The following LARS1 variants were observed in gnomAD, a reference collection of about 807,000 sequenced individuals.
LARS1 encodes leucyl-tRNA synthetase 1, also known as leucine--tRNA ligase, cytoplasmic.
A neutral mutation model predicts 162.8 loss-of-function variants in LARS1; 100 were observed. That is an observed-to-expected ratio of 0.61 (90% CI 0.52 to 0.73). The LOEUF (loss-of-function observed/expected upper bound fraction) is 0.73. Ranked by LOEUF, LARS1 falls within the 30% of genes least tolerant of loss-of-function variation. The pLI, the probability that LARS1 is intolerant of heterozygous loss-of-function variation, is 0.00. For synonymous variants in LARS1, 457 were observed against 462.8 expected (o/e 0.99, Z 0.16); for missense variants, 1,258 against 1,408.9 (o/e 0.89, Z 1.71).
At position 146,157,435 on chromosome 5, in the gene LARS1, C is replaced by G; in HGVS notation, c.1033G>C (p.Val345Leu). Residue 345 changes from valine (V) to leucine (L), a missense_variant, in exon 10 of 32, where the codon GTG becomes CTG. Val to Leu is a conservative substitution (Grantham distance 32). Coordinates refer to ENST00000394434, the MANE Select transcript of LARS1 (RefSeq NM_020117.11). ...SYQGFTKDNG[V>L]VPVVKELMGE... ...ATTAATTCCTTAACAACAGGCACCACGCCATTGTCTTTGGTAAAGCCCTGG... is the reference window on the plus strand; with the variant it reads ...ATTAATTCCTTAACAACAGGCACCAGGCCATTGTCTTTGGTAAAGCCCTGG... 1 of 1,614,154 alleles carries G rather than the reference C, an allele frequency of 6.2e-7. No homozygotes were observed. The highest frequency in any genetic ancestry group is 8.5e-7 in the Non-Finnish European group (1 of 1,180,016).
chr5:146,126,384 C>G lies in LARS1; in HGVS notation c.2991+51G>C, dbSNP rs778026925. On this transcript the variant is annotated intron_variant, in intron 28 of 31. Transcript: ENST00000394434. ...GGCTTTTCCCCATCCTTCTATTGTC[C>G]CATCTAACCATTGCTCATGTGGTCA... 3.3e-5 allele frequency: 36 copies of G among 1,082,034 alleles called. 1 individual carries two copies. The highest frequency in any genetic ancestry group is 5.6e-6 in the Non-Finnish European group (4 of 711,236). 67.0% of individuals were successfully genotyped at this position (1,082,034 alleles called of 1,614,324 possible). A position where few individuals can be genotyped will look rare whatever the true frequency, so the allele number is the denominator to read the frequency against.
At position 146,114,129 on chromosome 5, in the gene LARS1, T is replaced by C. The variant is rs1291552474; in HGVS notation, c.3508A>G (p.Thr1170Ala). The C allele has an allele frequency of 1.9e-6, 3 of 1,613,434 alleles. No individual in the cohort carries two copies. The African/African-American group carries it at 4.0e-5, about 22-fold the overall frequency. ...ENGIRVDIGD[T>A]IIYLVH ...GTTTAATGAACCAGATAGATTATTG[T>C]ATCGCCAATATCCACCCTTATCCCA... Residue 1170 changes from threonine (T) to alanine (A), a missense_variant, in exon 32 of 32, where the codon ACA becomes GCA. Coordinates refer to ENST00000394434, the MANE Select transcript of LARS1 (RefSeq NM_020117.11).
chr5:146,176,366 C>T (rs1754572341), intron 2 of LARS1, among the ~76,000 whole-genome samples: 3 of 147,570 alleles, frequency 2.0e-5, no homozygotes, highest in South Asian at 4.3e-4. Flanking sequence ...GCAGGAGAAT[C>T]GCTTTAACCA....
intron 21 of LARS1, chr5:146,138,409 G>T: frequency 6.5e-6 from 1 of 153,396 alleles, no homozygotes; most frequent in South Asian, 2.1e-4. Context: ...AAATAAAAGT[G>T]GATTTGTTAA....
chr5:146,127,389 T>G (rs1752090377), intron 27 of LARS1, among the ~76,000 whole-genome samples: 1 of 152,048 alleles, frequency 6.6e-6, no homozygotes, highest in African/African-American at 2.4e-5. Flanking sequence ...ATAAGAACAC[T>G]CTTCGTGATT....
chr5:146,137,811 G>T, intron 21 of LARS1: 1 of 289,866 alleles, frequency 3.4e-6, no homozygotes, highest in South Asian at 3.0e-5. Context: ...AATGTCTCCA[G>T]AACACACAGC....
intron 31 of LARS1, among the ~76,000 whole-genome samples, chr5:146,118,639 A>G (rs1751678308): frequency 6.6e-6 from 1 of 152,224 alleles, no homozygotes; most frequent in South Asian, 2.1e-4. Flanking sequence ...AAATATGTAC[A>G]TTTATCTGTC....
At chr5:146,141,110 T>A (rs1010885648) in intron 20 of LARS1, among the ~76,000 whole-genome samples, 1 of 152,194 alleles carries the variant, frequency 6.6e-6, no homozygotes, top group South Asian at 2.1e-4. Context: ...CTTTAAATTT[T>A]CAAACTATGT....
At chr5:146,173,146 G>A (rs762697886) in intron 2 of LARS1, among the ~76,000 whole-genome samples, 4 of 151,992 alleles carry the variant, frequency 2.6e-5, no homozygotes, top group African/African-American at 4.8e-5. Context: ...CCAGGAGTTC[G>A]AGACCAGCCT....
chr5:146,158,087 G>A (rs917817399), intron 8 of LARS1, among the ~76,000 whole-genome samples: 1 of 152,140 alleles, frequency 6.6e-6, no homozygotes, highest in African/African-American at 2.4e-5. Flanking sequence ...GTCATCAAAG[G>A]AAGACACTAG....
intron 1 of LARS1, among the ~76,000 whole-genome samples, chr5:146,181,711 C>T (rs1048472116): frequency 6.6e-6 from 1 of 152,086 alleles, no homozygotes; most frequent in East Asian, 1.9e-4. Context: ...CTCCCTAGCA[C>T]CCCTTCCTGC....
At chr5:146,141,320 T>C (rs984394697) in intron 20 of LARS1, among the ~76,000 whole-genome samples, 4 of 151,922 alleles carry the variant, frequency 2.6e-5, no homozygotes, top group Admixed American at 6.6e-5. Context: ...CGAAAAGCTA[T>C]AGTAAAAAGA....
In LARS1 at chr5:146,128,704, T is replaced by C. The variant is rs1752145156; in HGVS notation, c.2848A>G (p.Thr950Ala). The change falls in exon 27 of 32, where the codon ACC becomes GCC. Residue 950 changes from threonine to alanine, a missense_variant. Thr to Ala is a moderately conservative substitution (Grantham distance 58). Transcript: ENST00000394434. Reference sequence around the variant, plus strand: ...TGTTTACGTAGAACAGACAGGGTGGTATGTTGCCAAGGTGGATAGTTCTTT... The same window carrying C: ...TGTTTACGTAGAACAGACAGGGTGGCATGTTGCCAAGGTGGATAGTTCTTT... Reference protein sequence around the residue: ...VAKNYPPWQHTTLSVLRKHFE... With the variant: ...VAKNYPPWQHATLSVLRKHFE... The C allele has an allele frequency of 6.3e-7, 1 of 1,590,010 alleles. No homozygotes were observed. Among genetic ancestry groups the C allele is most frequent in the Non-Finnish European group, 8.5e-7 (1 of 1,173,536 alleles).
intron 1 of LARS1, chr5:146,181,250 A>C (rs747371882): frequency 2.6e-5 from 4 of 152,046 alleles, no homozygotes; most frequent in Non-Finnish European, 5.9e-5. Context: ...CTACTCGGGA[A>C]GTTGAGGCAG....
intron 5 of LARS1, among the ~76,000 whole-genome samples, chr5:146,167,695 A>AT (rs1393807428): frequency 4.4e-5 from 6 of 134,864 alleles, no homozygotes; most frequent in Non-Finnish European, 9.5e-5. Context: ...CGCCCGGCTA[A>AT]TTTTTTTGTA....
chr5:146,181,594 G>A (rs1754844884), intron 1 of LARS1, among the ~76,000 whole-genome samples: 1 of 152,022 alleles, frequency 6.6e-6, no homozygotes, highest in Non-Finnish European at 1.5e-5. Flanking sequence ...CCAGGCTGCA[G>A]TGAGCCATGA....
At chr5:146,163,628 G>A (rs1043564945) in intron 6 of LARS1, among the ~76,000 whole-genome samples, 2 of 151,878 alleles carry the variant, frequency 1.3e-5, no homozygotes, top group African/African-American at 2.4e-5. Flanking sequence ...GGAGGTTGCC[G>A]TGAGCCGAGA....
chr5:146,149,895 C>T (rs929066880), intron 14 of LARS1, among the ~76,000 whole-genome samples, 196 bp from the exon 15 acceptor site: 1 of 152,148 alleles, frequency 6.6e-6, no homozygotes. Context: ...ACTTATCGTT[C>T]TGTCAGTGAT....
At chr5:146,161,265 G>A (rs1219473064) in intron 6 of LARS1, among the ~76,000 whole-genome samples, 3 of 152,100 alleles carry the variant, frequency 2.0e-5, no homozygotes, top group Admixed American at 2.0e-4. Context: ...CCTCGATGAC[G>A]GCTGCTGACT....
Sources: gnomAD v4.1 joint callset for allele counts (sites outside exome capture counted in the v4.1 genomes callset) on GRCh38, gnomAD v4.1.1 for gene constraint, MANE v1.5 for transcripts, NCBI Gene and HGNC (gene_info 2026-07-23, HGNC 2026-07-21) for gene names.